The following LURAP1L variants were observed in gnomAD, a reference collection of about 807,000 sequenced individuals.
LURAP1L encodes leucine rich adaptor protein 1-like.
LURAP1L carries 12 observed loss-of-function variants against 13.8 expected under a neutral mutation model. The observed-to-expected ratio is 0.87, with a 90% CI of 0.56 to 1.41. LURAP1L has a LOEUF of 1.41. LURAP1L is among the 40% of genes most tolerant of loss of function. The probability of loss-of-function intolerance (pLI) is 0.00; values close to 1 mark genes in which losing one functional copy is unlikely to be tolerated. For missense variants in LURAP1L, 375 were observed against 292.9 expected (o/e 1.28, Z -2.04); for synonymous variants, 139 against 119.2 (o/e 1.17, Z -1.08).
At chr9:12,819,130 G>C (rs1819841156) in intron 1 of LURAP1L, among the ~76,000 whole-genome samples, 2 of 152,088 alleles carry the variant, frequency 1.3e-5, no homozygotes, top group South Asian at 4.1e-4. Flanking sequence ...AAATAGAGGG[G>C]CTTCTCAAGG....
At chr9:12,787,804 G>T (rs1393905308) in intron 1 of LURAP1L, among the ~76,000 whole-genome samples, 1 of 152,038 alleles carries the variant, frequency 6.6e-6, no homozygotes, top group East Asian at 1.9e-4. Flanking sequence ...TGGAAGCTTT[G>T]TTGAGTATTA....
chr9:12,800,162 C>G (rs775077989), intron 1 of LURAP1L, among the ~76,000 whole-genome samples: 2 of 152,064 alleles, frequency 1.3e-5, no homozygotes, highest in African/African-American at 2.4e-5. Flanking sequence ...AACTTTGTAC[C>G]CTTTGACCTA....
rs1819887434 is a variant in LURAP1L at position 12,821,938 on chromosome 9, T to A, written c.*178T>A. ...AATACTTCTCATCTGAGCTGATTTA[T>A]TTTTCTCTGTTACATCTCTATTTTT... On this transcript the variant is annotated 3_prime_UTR_variant, in exon 2 of 2. Coordinates refer to ENST00000319264, the MANE Select transcript of LURAP1L (RefSeq NM_203403.2). 6.5e-6 allele frequency: 4 copies of A among 613,302 alleles called. No homozygotes were observed. The highest frequency in any genetic ancestry group is 6.6e-5 in the Admixed American group (2 of 30,282). The allele number at this position is 613,302 out of a possible 1,614,324, so 38.0% of individuals were successfully genotyped here. A position where few individuals can be genotyped will look rare whatever the true frequency, so the allele number is the denominator to read the frequency against.
At chr9:12,803,472 G>A (rs967083719) in intron 1 of LURAP1L, among the ~76,000 whole-genome samples, 5 of 152,176 alleles carry the variant, frequency 3.3e-5, no homozygotes, top group African/African-American at 4.8e-5. Context: ...GGGTAGTTAA[G>A]TCACAGGACA....
intron 1 of LURAP1L, among the ~76,000 whole-genome samples, chr9:12,784,560 G>T (rs146060987): frequency 0.011 from 1,644 of 152,230 alleles, 15 homozygotes; most frequent in Middle Eastern, 0.048. Context: ...TTCTCTCTGT[G>T]CTGAGCTTCC....
intron 1 of LURAP1L, among the ~76,000 whole-genome samples, chr9:12,813,981 A>G (rs1819772251): frequency 6.6e-6 from 1 of 152,234 alleles, no homozygotes; most frequent in African/African-American, 2.4e-5. Flanking sequence ...TCAGTTGGTT[A>G]TATGGAATTG....
chr9:12,809,177 C>T (rs1265267797), intron 1 of LURAP1L, among the ~76,000 whole-genome samples: 4 of 152,136 alleles, frequency 2.6e-5, no homozygotes, highest in Non-Finnish European at 4.4e-5. Flanking sequence ...CCCCCATGAC[C>T]GAAACACCTC....
At chr9:12,777,640 C>T in intron 1 of LURAP1L, 2 of 903,718 alleles carry the variant, frequency 2.2e-6, no homozygotes, top group African/African-American at 3.6e-5. Flanking sequence ...TTGCTGGACA[C>T]TCAGACACAA....
In LURAP1L at chr9:12,775,568, C is replaced by G. The variant is rs1033658004; in HGVS notation, c.-148C>G. 8 of 1,313,452 alleles carry G rather than the reference C, an allele frequency of 6.1e-6. No homozygotes were observed. In the African/African-American group the frequency reaches 9.0e-5, roughly 15 times the overall value. The allele number at this position is 1,313,452 out of a possible 1,614,324, so 81.4% of individuals were successfully genotyped here. On this transcript the variant is annotated 5_prime_UTR_variant, in exon 1 of 2. Coordinates refer to ENST00000319264, the MANE Select transcript of LURAP1L (RefSeq NM_203403.2). ...GATTTCAGGGCTGATACCGCATAGG[C>G]GGTTATGGAAAGGACGGTACACCGG...
intron 1 of LURAP1L, chr9:12,790,700 A>G (rs1473295338): frequency 6.6e-6 from 1 of 151,094 alleles, no homozygotes; most frequent in Non-Finnish European, 1.5e-5. Context: ...CTCAGGAACC[A>G]TTGTTCTCAG....
At chr9:12,819,356 T>C (rs1238459973) in intron 1 of LURAP1L, among the ~76,000 whole-genome samples, 1 of 152,216 alleles carries the variant, frequency 6.6e-6, no homozygotes, top group Non-Finnish European at 1.5e-5. Context: ...CAATCTTGCA[T>C]CTCTTGCAGT....
intron 1 of LURAP1L, among the ~76,000 whole-genome samples, chr9:12,789,357 A>G (rs936351586): frequency 5.3e-5 from 8 of 152,178 alleles, no homozygotes; most frequent in Admixed American, 5.2e-4. Context: ...TGGCTCAGGA[A>G]AAGATGAGAC....
intron 1 of LURAP1L, among the ~76,000 whole-genome samples, chr9:12,793,206 A>G (rs1819467704): frequency 6.6e-6 from 1 of 152,062 alleles, no homozygotes; most frequent in Non-Finnish European, 1.5e-5. Context: ...CTGAGAAATT[A>G]TAAAATAAAG....
At chr9:12,818,596 A>AT (rs1443678361) in intron 1 of LURAP1L, among the ~76,000 whole-genome samples, 1 of 152,230 alleles carries the variant, frequency 6.6e-6, no homozygotes, top group Non-Finnish European at 1.5e-5. Context: ...ATAAGCTAAC[A>AT]GGACGGTAGT....
chr9:12,806,806 T>C (rs1367521149), intron 1 of LURAP1L, among the ~76,000 whole-genome samples: 1 of 151,798 alleles, frequency 6.6e-6, no homozygotes. Context: ...GAGGTGACAG[T>C]GTTGTCGCTA....
chr9:12,806,074 T>G (rs1486132816), intron 1 of LURAP1L, among the ~76,000 whole-genome samples: 1 of 152,236 alleles, frequency 6.6e-6, no homozygotes, highest in African/African-American at 2.4e-5. Flanking sequence ...TAACTAGCTC[T>G]AGCAGGTGAA....
intron 1 of LURAP1L, among the ~76,000 whole-genome samples, chr9:12,806,597 T>C (rs551683677): frequency 2.6e-5 from 4 of 152,182 alleles, no homozygotes; most frequent in Admixed American, 6.5e-5. Flanking sequence ...TGCTTTATTT[T>C]CAAATGTTGG....
intron 1 of LURAP1L, among the ~76,000 whole-genome samples, chr9:12,814,018 T>C (rs1819772846): frequency 6.6e-6 from 1 of 152,200 alleles, no homozygotes; most frequent in Admixed American, 6.5e-5. Context: ...TATATTTTAT[T>C]ATTATCTGTC....
At chr9:12,813,108 A>G (rs529931026) in intron 1 of LURAP1L, among the ~76,000 whole-genome samples, 116 of 152,298 alleles carry the variant, frequency 7.6e-4, no homozygotes, top group African/African-American at 2.4e-3. Context: ...AATGCAATCA[A>G]TTAAGTAAAG....
Sources: gnomAD v4.1 joint callset for allele counts (sites outside exome capture counted in the v4.1 genomes callset) on GRCh38, gnomAD v4.1.1 for gene constraint, MANE v1.5 for transcripts, NCBI Gene and HGNC (gene_info 2026-07-23, HGNC 2026-07-21) for gene names.